Variants in DLGAP2 observed in about 807,000 individuals in gnomAD.
The protein encoded by DLGAP2 is DLG associated protein 2, also known as disks large-associated protein 2.
DLGAP2 carries 26 observed loss-of-function variants against 100.3 expected under a neutral mutation model. The observed-to-expected ratio is 0.26, with a 90% CI of 0.19 to 0.36. The LOEUF (loss-of-function observed/expected upper bound fraction) is 0.36, where lower values mean the gene tolerates loss of function less well. DLGAP2 is among the 10% of genes least tolerant of loss of function. The pLI, the probability that DLGAP2 is intolerant of heterozygous loss-of-function variation, is 1.00. For synonymous variants in DLGAP2, 886 were observed against 630.1 expected (o/e 1.41, Z -6.08); for missense variants, 1,858 against 1,453.2 (o/e 1.28, Z -4.53).
At chr8:1,525,991 G>T (rs1450629688) in intron 4 of DLGAP2, among the ~76,000 whole-genome samples, 3 of 152,036 alleles carry the variant, frequency 2.0e-5, no homozygotes, top group Admixed American at 1.3e-4. Context: ...GGGGACATTT[G>T]CATTACATAC....
At position 1,539,048 on chromosome 8, in the gene DLGAP2, AC is replaced by A. The variant is rs1416634778; in HGVS notation, c.173-9577del. On this transcript the variant is annotated intron_variant, in intron 4 of 14. Transcript: ENST00000637795. ...TTACAGGTGCACACCACCACGCCTG[AC>A]TAATTTTTGTATTTTTAGTAGAGAT... Among the ~76,000 whole-genome samples the A allele has an allele frequency of 1.6e-4, 24 of 151,990 alleles. 1 individual carries two copies. The highest frequency in any genetic ancestry group is 1.3e-3 in the Admixed American group (20 of 15,252).
At chr8:751,348 T>C (rs191644934) in intron 1 of DLGAP2, among the ~76,000 whole-genome samples, 20 of 148,716 alleles carry the variant, frequency 1.3e-4, no homozygotes, top group South Asian at 2.2e-4. Context: ...TCTCCGGCCA[T>C]CCTCTCGTGG....
chr8:951,172 A>G (rs566987984), intron 2 of DLGAP2, among the ~76,000 whole-genome samples: 1 of 152,298 alleles, frequency 6.6e-6, no homozygotes, highest in South Asian at 2.1e-4. Context: ...GTGTGCCTAT[A>G]CCATAATTTA....
intron 3 of DLGAP2, among the ~76,000 whole-genome samples, chr8:1,415,308 AT>A (rs1189772387): frequency 5.3e-5 from 8 of 151,392 alleles, no homozygotes; most frequent in Admixed American, 1.3e-4. Flanking sequence ...TTAAAGGCTA[AT>A]TTTTTTTTCA....
rs1430143280 is a variant in DLGAP2 at position 980,932 on chromosome 8, A to G, written c.73+72966A>G. Among the ~76,000 whole-genome samples the G allele has an allele frequency of 2.0e-5, 3 of 152,196 alleles. No individual in the cohort carries two copies. In the East Asian group the frequency reaches 5.8e-4, roughly 29 times the overall value. Reference sequence around the variant, plus strand: ...GTGATAGTGGCAAAATGTACATAACATAAAATTTACCATTTTAATCATCTG... The same window carrying G: ...GTGATAGTGGCAAAATGTACATAACGTAAAATTTACCATTTTAATCATCTG... On this transcript the variant is annotated intron_variant, in intron 2 of 14. Coordinates refer to ENST00000637795, the MANE Select transcript of DLGAP2 (RefSeq NM_001346810.2).
intron 2 of DLGAP2, among the ~76,000 whole-genome samples, chr8:1,041,609 G>A (rs898964237): frequency 1.5e-5 from 2 of 135,390 alleles, no homozygotes; most frequent in Non-Finnish European, 3.2e-5. Context: ...AGTGTTCTCC[G>A]AGCCCCTTGC....
At chr8:915,624 A>G (rs1584886706) in intron 2 of DLGAP2, among the ~76,000 whole-genome samples, 2 of 151,408 alleles carry the variant, frequency 1.3e-5, no homozygotes, top group African/African-American at 4.9e-5. Context: ...GCCGCCACCC[A>G]CTCCCCTGGA....
chr8:1,244,741 G>T (rs1183966814), intron 2 of DLGAP2, among the ~76,000 whole-genome samples: 1 of 152,176 alleles, frequency 6.6e-6, no homozygotes, highest in Non-Finnish European at 1.5e-5. Context: ...GACACCCAAA[G>T]CGCAAAGCAC....
intron 1 of DLGAP2, among the ~76,000 whole-genome samples, chr8:863,565 G>A (rs926967444): frequency 6.6e-6 from 1 of 152,154 alleles, no homozygotes; most frequent in South Asian, 2.1e-4. Context: ...CCATCTGTGG[G>A]TTTTCTCTTC....
intron 4 of DLGAP2, among the ~76,000 whole-genome samples, chr8:1,527,694 G>C (rs914954837): frequency 6.6e-6 from 1 of 152,182 alleles, no homozygotes; most frequent in Non-Finnish European, 1.5e-5. Context: ...ACTCCTGCCT[G>C]TGTCTATGCA....
At chr8:972,499 A>C (rs1468355174) in intron 2 of DLGAP2, among the ~76,000 whole-genome samples, 1 of 152,270 alleles carries the variant, frequency 6.6e-6, no homozygotes, top group Non-Finnish European at 1.5e-5. Flanking sequence ...CAGAAATGAC[A>C]AATGCTTTTG....
chr8:1,452,949 A>G (rs1798202906), intron 3 of DLGAP2, among the ~76,000 whole-genome samples: 1 of 152,140 alleles, frequency 6.6e-6, no homozygotes, highest in Non-Finnish European at 1.5e-5. Flanking sequence ...TGGGGGTTTG[A>G]TACTTGTCGG....
At chr8:902,369 C>T (rs981982384) in intron 1 of DLGAP2, among the ~76,000 whole-genome samples, 3 of 148,234 alleles carry the variant, frequency 2.0e-5, no homozygotes, top group Non-Finnish European at 4.5e-5. Flanking sequence ...GCTGGGGGGG[C>T]ACTCCAAGGG....
chr8:1,413,209 T>C (rs1276281082), intron 3 of DLGAP2, among the ~76,000 whole-genome samples: 8 of 152,204 alleles, frequency 5.3e-5, no homozygotes, highest in Non-Finnish European at 1.2e-4. Context: ...CACCTTTGTA[T>C]GTTTCAACAC....
chr8:1,668,088 C>T (rs562365546), intron 8 of DLGAP2, among the ~76,000 whole-genome samples: 5 of 152,352 alleles, frequency 3.3e-5, no homozygotes, highest in South Asian at 2.1e-4. Context: ...CCTGCAGGGA[C>T]GCACCTTGCT....
At chr8:858,665 T>C (rs558741360) in intron 1 of DLGAP2, among the ~76,000 whole-genome samples, 1 of 148,414 alleles carries the variant, frequency 6.7e-6, no homozygotes, top group South Asian at 2.2e-4. Context: ...GCACGTGAGA[T>C]GCTGTCTCTG....
chr8:1,285,419 T>C (rs920628818), intron 3 of DLGAP2, among the ~76,000 whole-genome samples: 1 of 152,156 alleles, frequency 6.6e-6, no homozygotes, highest in African/African-American at 2.4e-5. Context: ...TGCGTTTAGA[T>C]TAGTTTTGGA....
chr8:862,406 C>A lies in DLGAP2; in HGVS notation c.19-45506C>A, dbSNP rs543639259. Reference sequence around the variant, plus strand: ...CGGCCTCCGCCTTCCGGGTTCATGCCATTCTCCTGCCTCAGCCTCCCGAGT... The same window carrying A: ...CGGCCTCCGCCTTCCGGGTTCATGCAATTCTCCTGCCTCAGCCTCCCGAGT... On this transcript the variant is annotated intron_variant, in intron 1 of 14. Transcript: ENST00000637795. Among the ~76,000 whole-genome samples, 3 of 152,060 alleles carry A rather than the reference C, an allele frequency of 2.0e-5. No individual in the cohort carries two copies. In the East Asian group the frequency reaches 5.8e-4, roughly 29 times the overall value.
At chr8:1,700,581 A>G (rs977344879) in intron 14 of DLGAP2, among the ~76,000 whole-genome samples, 1 of 151,980 alleles carries the variant, frequency 6.6e-6, no homozygotes, top group East Asian at 1.9e-4. Flanking sequence ...CTTATCTGAG[A>G]GTCTGAGCTA....
Sources: allele counts gnomAD v4.1 joint callset (sites outside exome capture counted in the v4.1 genomes callset), GRCh38; gene constraint gnomAD v4.1.1; transcripts MANE v1.5; gene names NCBI Gene and HGNC (gene_info 2026-07-23, HGNC 2026-07-21).